Variants in PELI2 observed in about 807,000 individuals in gnomAD.
The protein encoded by PELI2 is E3 ubiquitin-protein ligase pellino homolog 2.
PELI2 carries 23 observed loss-of-function variants against 42.3 expected under a neutral mutation model. That is an observed-to-expected ratio of 0.54 (90% CI 0.39 to 0.77). The LOEUF is 0.77. Ranked by LOEUF, PELI2 falls within the 30% of genes least tolerant of loss-of-function variation. The pLI, the probability that PELI2 is intolerant of heterozygous loss-of-function variation, is 0.00. For synonymous variants in PELI2, 245 were observed against 212.2 expected, an observed-to-expected ratio of 1.15 and a Z score of -1.34; for missense variants, 463 against 553.2, an observed-to-expected ratio of 0.84 and a Z score of 1.64.
At chr14:56,198,010 A>ACACC (rs57599256) in intron 2 of PELI2, among the ~76,000 whole-genome samples, 12,432 of 114,144 alleles carry the variant, frequency 0.11, 756 homozygotes, top group African/African-American at 0.14. Flanking sequence ...ACACACACAC[A>ACACC]CACCCACCTC....
At chr14:56,166,789 CT>C (rs552121445) in intron 1 of PELI2, among the ~76,000 whole-genome samples, 7 of 149,638 alleles carry the variant, frequency 4.7e-5, no homozygotes, top group African/African-American at 1.2e-4. Flanking sequence ...TTTTTTCTTT[CT>C]TTTTTTTTAT....
chr14:56,190,018 A>C (rs1885902697), intron 2 of PELI2, among the ~76,000 whole-genome samples: 1 of 152,242 alleles, frequency 6.6e-6, no homozygotes, highest in Non-Finnish European at 1.5e-5. Flanking sequence ...CTGGTCTGCT[A>C]ACATTAGTTT....
chr14:56,178,191 T>G (rs1885451387), intron 1 of PELI2, 144 bp from the exon 2 acceptor site: 1 of 722,326 alleles, frequency 1.4e-6, no homozygotes, highest in African/African-American at 1.8e-5. Context: ...AAGTCTGTAT[T>G]GCAACCCTTT....
rs570192544 is a variant in PELI2 at position 56,168,020 on chromosome 14, A to G, written c.78-10315A>G. 2.6e-5 allele frequency among the ~76,000 whole-genome samples: 4 copies of G among 152,314 alleles called. No homozygotes were observed. In the East Asian group the frequency reaches 7.7e-4, roughly 29 times the overall value. On this transcript the variant is annotated intron_variant, in intron 1 of 5. Coordinates refer to ENST00000267460, the MANE Select transcript of PELI2 (RefSeq NM_021255.3). ...TCTCTTCTCTTACTTTCTCCCAGCC[A>G]TACAGAGTCTCTTTCTCTTCTGAGC...
intron 1 of PELI2, among the ~76,000 whole-genome samples, chr14:56,145,478 TGTTTCA>T (rs1258941067): frequency 3.3e-4 from 50 of 152,346 alleles, no homozygotes; most frequent in African/African-American, 1.2e-3. Flanking sequence ...ATGACAGATC[TGTTTCA>T]GTCACAGAAT....
intron 2 of PELI2, among the ~76,000 whole-genome samples, chr14:56,194,744 G>C (rs1003368900): frequency 1.1e-4 from 16 of 152,192 alleles, no homozygotes; most frequent in Admixed American, 1.0e-3. Context: ...CACGTCCAGA[G>C]ACTGGCACAT....
intron 1 of PELI2, among the ~76,000 whole-genome samples, chr14:56,122,170 G>A (rs1883084125): frequency 6.6e-6 from 1 of 152,178 alleles, no homozygotes; most frequent in South Asian, 2.1e-4. Flanking sequence ...TAGATGATGG[G>A]TTGATGGGTG....
chr14:56,142,747 T>C (rs1883962727), intron 1 of PELI2, among the ~76,000 whole-genome samples: 3 of 152,102 alleles, frequency 2.0e-5, no homozygotes, highest in Admixed American at 2.0e-4. Flanking sequence ...TAGGAGTACA[T>C]AGCCTTCATG....
At chr14:56,208,318 A>T (rs530848728) in intron 2 of PELI2, among the ~76,000 whole-genome samples, 1 of 152,302 alleles carries the variant, frequency 6.6e-6, no homozygotes, top group Admixed American at 6.5e-5. Flanking sequence ...GTCATCTAAG[A>T]CCTGAAAAAT....
intron 2 of PELI2, among the ~76,000 whole-genome samples, chr14:56,272,108 A>C (rs946550846): frequency 6.6e-6 from 1 of 152,176 alleles, no homozygotes; most frequent in Non-Finnish European, 1.5e-5. Flanking sequence ...ACACACAAAG[A>C]AGACTATGCA....
intron 1 of PELI2, among the ~76,000 whole-genome samples, chr14:56,133,244 A>G (rs1883562529): frequency 6.6e-6 from 1 of 152,216 alleles, no homozygotes; most frequent in Non-Finnish European, 1.5e-5. Flanking sequence ...GCTAAAAATC[A>G]TTTAAAATAA....
chr14:56,144,511 T>C (rs1884037282), intron 1 of PELI2, among the ~76,000 whole-genome samples: 1 of 152,242 alleles, frequency 6.6e-6, no homozygotes, highest in Non-Finnish European at 1.5e-5. Flanking sequence ...TAACTGATTA[T>C]GGACTTTAAT....
At chr14:56,152,876 T>C (rs750763137) in intron 1 of PELI2, among the ~76,000 whole-genome samples, 2 of 152,202 alleles carry the variant, frequency 1.3e-5, no homozygotes, top group African/African-American at 2.4e-5. Flanking sequence ...TTAGTGGGAA[T>C]GTAGGCAATA....
At chr14:56,186,973 T>G (rs1885789499) in intron 2 of PELI2, among the ~76,000 whole-genome samples, 2 of 152,190 alleles carry the variant, frequency 1.3e-5, no homozygotes, top group Admixed American at 6.5e-5. Flanking sequence ...AAAAGAATCT[T>G]CTGCTGCAAA....
intron 2 of PELI2, among the ~76,000 whole-genome samples, chr14:56,254,324 G>T (rs1163380460): frequency 2.0e-5 from 3 of 151,802 alleles, no homozygotes; most frequent in Non-Finnish European, 4.4e-5. Context: ...GCTTGAACCT[G>T]GGAGGCAGAG....
At chr14:56,276,293 T>C (rs1889289118) in intron 2 of PELI2, among the ~76,000 whole-genome samples, 1 of 152,168 alleles carries the variant, frequency 6.6e-6, no homozygotes, top group Non-Finnish European at 1.5e-5. Context: ...CCCTAATTCA[T>C]GTAATTGAAG....
At chr14:56,182,092 T>G (rs1050617578) in intron 2 of PELI2, among the ~76,000 whole-genome samples, 3 of 152,176 alleles carry the variant, frequency 2.0e-5, no homozygotes, top group Non-Finnish European at 4.4e-5. Flanking sequence ...TCATGGGATA[T>G]ACATTCAACT....
rs562158567 is a variant in PELI2, at chr14:56,240,355, C to G, written c.208-39321C>G. On this transcript the variant is annotated intron_variant, in intron 2 of 5. Coordinates refer to ENST00000267460, the MANE Select transcript of PELI2 (RefSeq NM_021255.3). ...GAGATGCGTAGGAGGTAGAAATGAC[C>G]AACTGGGTAAATGATTGGATGTGGG... Among the ~76,000 whole-genome samples the G allele has an allele frequency of 3.9e-5, 6 of 152,082 alleles. 1 individual carries two copies. The East Asian group carries it at 1.2e-3, about 29-fold the overall frequency.
At chr14:56,181,795 A>G (rs1885591640) in intron 2 of PELI2, among the ~76,000 whole-genome samples, 1 of 151,436 alleles carries the variant, frequency 6.6e-6, no homozygotes. Flanking sequence ...TCATGTATGT[A>G]TTTGCTCTTA....
Sources: gnomAD v4.1 joint callset for allele counts (sites outside exome capture counted in the v4.1 genomes callset) on GRCh38, gnomAD v4.1.1 for gene constraint, MANE v1.5 for transcripts, NCBI Gene and HGNC (gene_info 2026-07-23, HGNC 2026-07-21) for gene names.